The following KBTBD12 variants were observed in gnomAD, a reference collection of about 807,000 sequenced individuals.
KBTBD12 encodes kelch repeat and BTB domain containing 12, also known as kelch repeat and BTB domain-containing protein 12.
Under a neutral mutation model 58.7 loss-of-function variants are expected in KBTBD12, and 53 were observed. That is an observed-to-expected ratio of 0.90 (90% CI 0.72 to 1.14). KBTBD12 has a LOEUF of 1.14. KBTBD12 is among the 50% of genes most tolerant of loss of function. The pLI is 0.00. For missense variants in KBTBD12, 704 were observed against 751.3 expected, an observed-to-expected ratio of 0.94 and a Z score of 0.74; for synonymous variants, 236 against 259.8, an observed-to-expected ratio of 0.91 and a Z score of 0.88.
chr3:127,972,583 A>G (rs1045586797), intron 5 of KBTBD12, among the ~76,000 whole-genome samples: 5 of 152,214 alleles, frequency 3.3e-5, no homozygotes, highest in African/African-American at 1.2e-4. Context: ...GTATTGTTGG[A>G]TGATGGACTC....
At chr3:127,948,789 G>T (rs1337803362) in intron 4 of KBTBD12, among the ~76,000 whole-genome samples, 3 of 152,100 alleles carry the variant, frequency 2.0e-5, no homozygotes, top group Non-Finnish European at 2.9e-5. Flanking sequence ...ATTTACCTAA[G>T]ATTATCTTAT....
chr3:127,944,771 T>TC (rs750006844), intron 4 of KBTBD12, among the ~76,000 whole-genome samples: 3 of 152,142 alleles, frequency 2.0e-5, no homozygotes, highest in Non-Finnish European at 4.4e-5. Context: ...GCTTTGAGGT[T>TC]CCCCCCACTG....
At chr3:127,947,456 A>G (rs1940107600) in intron 4 of KBTBD12, among the ~76,000 whole-genome samples, 1 of 152,160 alleles carries the variant, frequency 6.6e-6, no homozygotes. Flanking sequence ...ATTCTAAACA[A>G]CTTCAGAGTT....
chr3:127,929,099 T>TC (rs1939641602), intron 3 of KBTBD12, among the ~76,000 whole-genome samples: 1 of 152,166 alleles, frequency 6.6e-6, no homozygotes, highest in Admixed American at 6.5e-5. Flanking sequence ...TTGCATTTTT[T>TC]CACTAAAATA....
In KBTBD12 at chr3:127,963,368, G is replaced by A. The variant is rs778441290; in HGVS notation, c.1672G>A (p.Gly558Arg). ...AGTGGATGGGAAACTCTATGTCTGCGGGGGATTCCATGGAGCAGGTATGGG... is the reference window on the plus strand; with the variant it reads ...AGTGGATGGGAAACTCTATGTCTGCAGGGGATTCCATGGAGCAGGTATGGG... Reference protein sequence around the residue: ...GAVDGKLYVCGGFHGADRHEV... With the variant: ...GAVDGKLYVCRGFHGADRHEV... The change falls in exon 5 of 6, where the codon GGG becomes AGG. Residue 558 changes from glycine to arginine, a missense_variant. Transcript: ENST00000405109. The A allele has an allele frequency of 3.1e-5, 50 of 1,609,876 alleles. No individual in the cohort carries two copies. The highest frequency in any genetic ancestry group is 4.1e-5 in the Non-Finnish European group (48 of 1,178,218).
Position 127,985,619 on chromosome 3 carries a change from G to A in KBTBD12, c.*1341G>A, listed in dbSNP as rs1012060828. 2 of 152,262 alleles carry A rather than the reference G, an allele frequency of 1.3e-5. No individual in the cohort carries two copies. Among genetic ancestry groups the A allele is most frequent in the African/African-American group, 4.8e-5 (2 of 41,452 alleles). 9.4% of individuals were successfully genotyped at this position (152,262 alleles called of 1,614,324 possible). ...GATGACCGCTAGCCTGTGCCCCTAGGTTCCAGCTGCCCACCAGGCAGGACA... is the reference window on the plus strand; with the variant it reads ...GATGACCGCTAGCCTGTGCCCCTAGATTCCAGCTGCCCACCAGGCAGGACA... On this transcript the variant is annotated 3_prime_UTR_variant, in exon 6 of 6. Transcript: ENST00000405109.
intron 2 of KBTBD12, among the ~76,000 whole-genome samples, chr3:127,926,900 C>T (rs1939585260): frequency 6.6e-6 from 1 of 151,946 alleles, no homozygotes; most frequent in Admixed American, 6.6e-5. Flanking sequence ...TCTGACCAAC[C>T]CCATGAAGTA....
At chr3:127,917,518 C>G (rs1239158831) in intron 1 of KBTBD12, among the ~76,000 whole-genome samples, 1 of 152,160 alleles carries the variant, frequency 6.6e-6, no homozygotes, top group Non-Finnish European at 1.5e-5. Flanking sequence ...ATCAACTTAA[C>G]TTTCTGCTCC....
chr3:127,971,376 T>G (rs1940680060), intron 5 of KBTBD12, among the ~76,000 whole-genome samples: 1 of 152,172 alleles, frequency 6.6e-6, no homozygotes, highest in African/African-American at 2.4e-5. Context: ...CTAGCTCAAG[T>G]GTGCCCTCAG....
rs750750246 is a variant in KBTBD12 at position 127,923,467 on chromosome 3, A to G, written c.406A>G (p.Ile136Val). The stretch of plus-strand genomic sequence containing the variant: ...CATGGATGCCTCCAACTGTTTAGGT[A>G]TCTATTATTTTGCAAAGCAGATTGG... ...DHMDASNCLG[I>V]YYFAKQIGAE... The change falls in exon 2 of 6, where the codon ATC (isoleucine) becomes GTC (valine). Residue 136 changes from isoleucine (I) to valine (V), a missense_variant. Coordinates refer to ENST00000405109, the MANE Select transcript of KBTBD12 (RefSeq NM_207335.4). The G allele has an allele frequency of 2.5e-6, 4 of 1,611,242 alleles. No individual in the cohort carries two copies. The highest frequency in any genetic ancestry group is 1.7e-5 in the Admixed American group (1 of 59,784).
chr3:127,976,426 C>A (rs1186661605), intron 5 of KBTBD12, among the ~76,000 whole-genome samples: 2 of 152,206 alleles, frequency 1.3e-5, no homozygotes, highest in East Asian at 3.9e-4. Flanking sequence ...ACAATTTCCC[C>A]GTTTTAGAAT....
At chr3:127,968,787 GA>G (rs901397676) in intron 5 of KBTBD12, among the ~76,000 whole-genome samples, 143 of 138,852 alleles carry the variant, frequency 1.0e-3, no homozygotes, top group African/African-American at 2.4e-3. Flanking sequence ...AAAGTTGAAG[GA>G]AAAAAAAAAG....
intron 5 of KBTBD12, among the ~76,000 whole-genome samples, chr3:127,982,184 A>G (rs1940885444): frequency 6.6e-6 from 1 of 152,216 alleles, no homozygotes; most frequent in African/African-American, 2.4e-5. Flanking sequence ...GTGAAAAGAA[A>G]GGAGAGTCAG....
At chr3:127,971,443 G>T (rs1338912995) in intron 5 of KBTBD12, among the ~76,000 whole-genome samples, 1 of 152,164 alleles carries the variant, frequency 6.6e-6, no homozygotes, top group Non-Finnish European at 1.5e-5. Context: ...CCTTCTCCCT[G>T]CTGACAAAGC....
chr3:127,942,564 TG>T (rs1939975625), intron 4 of KBTBD12, among the ~76,000 whole-genome samples: 2 of 151,276 alleles, frequency 1.3e-5, no homozygotes, highest in Non-Finnish European at 2.9e-5. Context: ...ACATTTAGAT[TG>T]TTTCTATATC....
intron 4 of KBTBD12, among the ~76,000 whole-genome samples, chr3:127,933,794 G>A (rs953709124): frequency 6.6e-6 from 1 of 152,004 alleles, no homozygotes; most frequent in Non-Finnish European, 1.5e-5. Flanking sequence ...CAGAAATAAG[G>A]GTAACTCATA....
At chr3:127,934,659 A>G (rs1179474855) in intron 4 of KBTBD12, among the ~76,000 whole-genome samples, 2 of 152,202 alleles carry the variant, frequency 1.3e-5, no homozygotes, top group African/African-American at 2.4e-5. Context: ...TCTTAAAAGC[A>G]GCAAGGTAAA....
intron 2 of KBTBD12, among the ~76,000 whole-genome samples, chr3:127,924,527 T>C (rs1425597948): frequency 1.3e-5 from 2 of 151,948 alleles, no homozygotes; most frequent in African/African-American, 4.8e-5. Flanking sequence ...TTTTCAATCT[T>C]AGCTTTATTT....
At chr3:127,980,538 C>G (rs539706813) in intron 5 of KBTBD12, among the ~76,000 whole-genome samples, 479 of 152,256 alleles carry the variant, frequency 3.1e-3, no homozygotes, top group Non-Finnish European at 5.9e-3. Flanking sequence ...CCATGTTGGC[C>G]AGGCTGGTCT....
Sources: gnomAD v4.1 joint callset for allele counts (sites outside exome capture counted in the v4.1 genomes callset) on GRCh38, gnomAD v4.1.1 for gene constraint, MANE v1.5 for transcripts, NCBI Gene and HGNC (gene_info 2026-07-23, HGNC 2026-07-21) for gene names.